SPINK1: variants seen among roughly 807,000 people sequenced by gnomAD.
SPINK1 encodes the protein serine peptidase inhibitor Kazal type 1.
In SPINK1, 5 loss-of-function variants were observed where a neutral mutation model predicts 9.5. The ratio of observed to expected loss-of-function variants is 0.52; its 90% CI spans 0.27 to 1.10. SPINK1 has a LOEUF of 1.10. Among genes scored for constraint, SPINK1 ranks in the 50% least tolerant of loss-of-function variants. The probability of loss-of-function intolerance (pLI) is 0.11; values close to 1 mark genes in which losing one functional copy is unlikely to be tolerated. For missense variants in SPINK1, 88 were observed against 92.7 expected, an observed-to-expected ratio of 0.95 and a Z score of 0.21; for synonymous variants, 37 against 32.3, an observed-to-expected ratio of 1.14 and a Z score of -0.49.
chr5:147,833,862 A>C (rs1756550703), upstream of SPINK1, among the ~76,000 whole-genome samples: 1 of 152,094 alleles, frequency 6.6e-6, no homozygotes, highest in Non-Finnish European at 1.5e-5. Context: ...TTTATTCCCC[A>C]AGAGATTCTT....
chr5:147,832,639 T>A (rs980111542), upstream of SPINK1, among the ~76,000 whole-genome samples: 6 of 152,206 alleles, frequency 3.9e-5, no homozygotes, highest in Non-Finnish European at 8.8e-5. Flanking sequence ...CCTGCAACTA[T>A]CACTTGATGC....
At chr5:147,829,455 C>T (rs752078446) in intron 2 of SPINK1, 144 bp downstream of exon 2, 1 of 741,144 alleles carries the variant, frequency 1.3e-6, no homozygotes, top group Admixed American at 2.0e-5. Flanking sequence ...CTACTACTAC[C>T]ATTTGCATTT....
the SPINK1 span, among the ~76,000 whole-genome samples, chr5:147,837,697 CTTTCTTTCTTTCTTTCTTTT>C: frequency 1.4e-5 from 2 of 144,534 alleles, no homozygotes; most frequent in Non-Finnish European, 3.0e-5. Flanking sequence ...TTCTTTCTTT[CTTTCTTTCTTTCTTTCTTTT>C]TTGGGATGGA....
intron 3 of SPINK1, 199 bp downstream of exon 3, chr5:147,827,823 A>T: frequency 2.1e-6 from 1 of 481,168 alleles, no homozygotes; most frequent in South Asian, 3.2e-5. Context: ...TGTAAAAAAT[A>T]TAGGCTTTTA....
upstream of SPINK1, among the ~76,000 whole-genome samples, chr5:147,834,404 A>G (rs1756560052): frequency 6.6e-6 from 1 of 152,114 alleles, no homozygotes; most frequent in Admixed American, 6.6e-5. Context: ...TCAAGTCCTT[A>G]CTATACAAAA....
intron 2 of SPINK1, 145 bp downstream of exon 2, chr5:147,829,454 C>A: frequency 1.4e-6 from 1 of 738,828 alleles, no homozygotes; most frequent in Non-Finnish European, 2.4e-6. Context: ...ACTACTACTA[C>A]CATTTGCATT....
At chr5:147,826,058 T>C (rs887623012) in intron 3 of SPINK1, among the ~76,000 whole-genome samples, 1 of 152,212 alleles carries the variant, frequency 6.6e-6, no homozygotes, top group African/African-American at 2.4e-5. Flanking sequence ...ATTTCCATCA[T>C]TATAGAAGGT....
At chr5:147,836,424 C>T (rs147528223), upstream of SPINK1, among the ~76,000 whole-genome samples, 108 of 152,054 alleles carry the variant, frequency 7.1e-4, no homozygotes, top group Admixed American at 1.1e-3. Context: ...GTTGCCCCCT[C>T]GTCTATGTAA....
At chr5:147,837,682 T>TTTCTTTCTTTCTTTCTTTCTTTCTTTCC in the SPINK1 span, among the ~76,000 whole-genome samples, 1 of 146,822 alleles carries the variant, frequency 6.8e-6, no homozygotes, top group Non-Finnish European at 1.5e-5. Context: ...TCTTTCTTTC[T>TTTCTTTCTTTCTTTCTTTCTTTCTTTCC]TTCTTTCTTT....
upstream of SPINK1, among the ~76,000 whole-genome samples, chr5:147,833,531 T>C (rs1287437591): frequency 6.6e-6 from 1 of 152,150 alleles, no homozygotes; most frequent in Non-Finnish European, 1.5e-5. Flanking sequence ...CTTTCCCCTT[T>C]CTATGCATCA....
At chr5:147,837,435 G>A in the SPINK1 span, among the ~76,000 whole-genome samples, 1 of 152,220 alleles carries the variant, frequency 6.6e-6, no homozygotes, top group African/African-American at 2.4e-5. Flanking sequence ...GGAATTAAGA[G>A]GATAATGCCT....
chr5:147,825,410 CTTTTTTTTCTT>C (rs1369477231), intron 3 of SPINK1, among the ~76,000 whole-genome samples: 8 of 150,132 alleles, frequency 5.3e-5, no homozygotes, highest in East Asian at 3.9e-4. Context: ...CTTCCATATA[CTTTTTTTTCTT>C]TTTTTTTTCT....
upstream of SPINK1, among the ~76,000 whole-genome samples, chr5:147,834,423 C>T (rs1251980571): frequency 6.6e-6 from 1 of 152,048 alleles, no homozygotes; most frequent in Non-Finnish European, 1.5e-5. Flanking sequence ...AAATTTTTGG[C>T]TGAGTGCTAG....
the SPINK1 span, among the ~76,000 whole-genome samples, chr5:147,839,148 G>A: frequency 3.9e-5 from 6 of 152,214 alleles, no homozygotes; most frequent in Non-Finnish European, 8.8e-5. Context: ...ATGGCAGAAG[G>A]AGAAGCAAAC....
chr5:147,828,096 G>A lies in SPINK1; in HGVS notation c.120C>T (p.Thr40=), dbSNP rs1457460747. The A allele has an allele frequency of 6.2e-7, 1 of 1,613,080 alleles. No homozygotes were observed. The highest frequency in any genetic ancestry group is 8.5e-7 in the Non-Finnish European group (1 of 1,179,722). ...TCCCACAGACAGGGTCATATATCTTGGTGCATCCATTAAGTTCATTGTAAC... is the reference window on the plus strand; with the variant it reads ...TCCCACAGACAGGGTCATATATCTTAGTGCATCCATTAAGTTCATTGTAAC... ...AKCYNELNGC[T]KIYDPVCGTD... Residue 40 remains threonine (T), a synonymous_variant, in exon 3 of 4, where the codon ACC becomes ACT. Transcript: ENST00000296695.
upstream of SPINK1, among the ~76,000 whole-genome samples, chr5:147,832,062 T>G (rs147149618): frequency 4.2e-3 from 639 of 152,312 alleles, 13 homozygotes; most frequent in African/African-American, 0.015. Context: ...TTTCTTATTC[T>G]TCTTTCTCTT....
intron 3 of SPINK1, among the ~76,000 whole-genome samples, chr5:147,826,061 T>G (rs1159518503): frequency 6.6e-6 from 1 of 152,216 alleles, no homozygotes; most frequent in Non-Finnish European, 1.5e-5. Context: ...TCCATCATTA[T>G]AGAAGGTTCT....
intron 3 of SPINK1, among the ~76,000 whole-genome samples, chr5:147,825,093 T>C (rs1236120828): frequency 6.6e-6 from 1 of 152,220 alleles, no homozygotes; most frequent in African/African-American, 2.4e-5. Context: ...GACCTTCTAA[T>C]TGATTGACCT....
At chr5:147,832,164 C>T (rs576300457), upstream of SPINK1, among the ~76,000 whole-genome samples, 1 of 152,228 alleles carries the variant, frequency 6.6e-6, no homozygotes, top group East Asian at 1.9e-4. Flanking sequence ...AGAGAGAGGA[C>T]TCAGTTCCCT....
Sources: gnomAD v4.1 joint callset for allele counts (sites outside exome capture counted in the v4.1 genomes callset) on GRCh38, gnomAD v4.1.1 for gene constraint, MANE v1.5 for transcripts, NCBI Gene and HGNC (gene_info 2026-07-23, HGNC 2026-07-21) for gene names.